Variants in JAKMIP1 observed in about 807,000 individuals in gnomAD.
JAKMIP1 encodes janus kinase and microtubule interacting protein 1, also known as janus kinase and microtubule-interacting protein 1.
Under a neutral mutation model 113.0 loss-of-function variants are expected in JAKMIP1, and 33 were observed. The observed-to-expected ratio is 0.29, with a 90% CI of 0.22 to 0.39. The LOEUF (loss-of-function observed/expected upper bound fraction) is 0.39, where lower values mean the gene tolerates loss of function less well. JAKMIP1 is among the 10% of genes least tolerant of loss of function. The probability of loss-of-function intolerance (pLI) is 1.00; values close to 1 mark genes in which losing one functional copy is unlikely to be tolerated. For synonymous variants in JAKMIP1, 480 were observed against 459.9 expected (o/e 1.04, Z -0.56); for missense variants, 813 against 1,080.5 (o/e 0.75, Z 3.47).
At chr4:6,111,429 C>T (rs1714914587) in intron 2 of JAKMIP1, among the ~76,000 whole-genome samples, 1 of 152,222 alleles carries the variant, frequency 6.6e-6, no homozygotes, top group Non-Finnish European at 1.5e-5. Context: ...ACCCTCAAGC[C>T]CACCCAAGTC....
At chr4:6,126,039 C>A (rs111215926) in intron 1 of JAKMIP1, among the ~76,000 whole-genome samples, 26,398 of 144,878 alleles carry the variant, frequency 0.18, 2,623 homozygotes, top group Middle Eastern at 0.3. Flanking sequence ...TGCAGAAACA[C>A]ACACACACAA....
rs946178862 is a variant in JAKMIP1 at position 6,142,885 on chromosome 4, C to T, written c.-147-29888G>A. Among the ~76,000 whole-genome samples the T allele has an allele frequency of 1.3e-5, 2 of 152,144 alleles. No homozygotes were observed. Among genetic ancestry groups the T allele is most frequent in the African/African-American group, 4.8e-5 (2 of 41,426 alleles). On this transcript the variant is annotated intron_variant, in intron 1 of 20. Coordinates refer to ENST00000409021, the MANE Select transcript of JAKMIP1 (RefSeq NM_001099433.2). The surrounding 1 kb of genome is among the most constrained non-coding windows in gnomAD (Gnocchi z 5.5). ...GATGGAAAGGTTTAAGGGACATGGCCGGCAATGACAAAGCCCAGCCTGGAG... is the reference window on the plus strand; with the variant it reads ...GATGGAAAGGTTTAAGGGACATGGCTGGCAATGACAAAGCCCAGCCTGGAG...
intron 10 of JAKMIP1, 49 bp from the exon 11 acceptor site, chr4:6,060,556 C>A (rs1717126674): frequency 7.2e-7 from 1 of 1,398,142 alleles, no homozygotes; most frequent in Non-Finnish European, 1.0e-6. Flanking sequence ...CAATGGGTGA[C>A]AGGGAAGCGG....
At chr4:6,057,847 G>A (rs1483322787) in intron 11 of JAKMIP1, among the ~76,000 whole-genome samples, 3 of 152,346 alleles carry the variant, frequency 2.0e-5, no homozygotes, top group South Asian at 4.1e-4. Flanking sequence ...TGGGCCTTGG[G>A]CTTGCCCCCA....
rs150879194 is a variant in JAKMIP1 at position 6,140,346 on chromosome 4, C to T, written c.-147-27349G>A. Among the ~76,000 whole-genome samples the T allele has an allele frequency of 1.4e-4, 21 of 151,752 alleles. No individual in the cohort carries two copies. In the East Asian group the frequency reaches 3.3e-3, roughly 24 times the overall value. ...TCATAATGCACACCTGATGATGGGCCGACCATAAATCCCCCCACGTGGCGA... is the reference window on the plus strand; with the variant it reads ...TCATAATGCACACCTGATGATGGGCTGACCATAAATCCCCCCACGTGGCGA... On this transcript the variant is annotated intron_variant, in intron 1 of 20. Transcript: ENST00000409021. This position sits in a 1 kb window ranked among gnomAD's most constrained non-coding sequence, Gnocchi z 9.4.
chr4:6,170,497 CCTT>C (rs1724397920), intron 1 of JAKMIP1, among the ~76,000 whole-genome samples: 1 of 149,788 alleles, frequency 6.7e-6, no homozygotes. Flanking sequence ...CCCCCAGCAC[CCTT>C]CTATCACCAC....
chr4:6,160,527 C>T (rs1722775330), intron 1 of JAKMIP1, among the ~76,000 whole-genome samples: 1 of 152,158 alleles, frequency 6.6e-6, no homozygotes, highest in Non-Finnish European at 1.5e-5. Flanking sequence ...GCTGCATGCC[C>T]TGCTCCCTGG....
At chr4:6,182,998 G>C (rs1726220669) in intron 1 of JAKMIP1, among the ~76,000 whole-genome samples, 1 of 152,188 alleles carries the variant, frequency 6.6e-6, no homozygotes, top group African/African-American at 2.4e-5. Context: ...CTCCCGCTCA[G>C]CTCAGCTCAG....
chr4:6,026,307 G>A, intron 20 of JAKMIP1, 29 bp from the exon 21 acceptor site: 3 of 1,073,640 alleles, frequency 2.8e-6, no homozygotes, highest in Non-Finnish European at 4.1e-6. Flanking sequence ...AGAAAATGAG[G>A]AAAAGAGAAG....
At chr4:6,172,920 A>C (rs1194043574) in intron 1 of JAKMIP1, among the ~76,000 whole-genome samples, 3 of 152,208 alleles carry the variant, frequency 2.0e-5, no homozygotes, top group African/African-American at 7.2e-5. Context: ...CAGTCAAAGG[A>C]GGAATCTCGT....
intron 1 of JAKMIP1, among the ~76,000 whole-genome samples, chr4:6,160,128 A>T (rs1195739741): frequency 1.3e-5 from 2 of 152,332 alleles, no homozygotes; most frequent in East Asian, 3.9e-4. Context: ...AGTAAAAAAG[A>T]ACTGAGGAAA....
At chr4:6,124,634 G>T (rs1239504804) in intron 1 of JAKMIP1, among the ~76,000 whole-genome samples, 2 of 152,230 alleles carry the variant, frequency 1.3e-5, no homozygotes, top group African/African-American at 4.8e-5. Context: ...CCCTGCTGAT[G>T]CCCTGTCGGG....
chr4:6,131,819 G>GA (rs1718552889), intron 1 of JAKMIP1, among the ~76,000 whole-genome samples: 1 of 152,024 alleles, frequency 6.6e-6, no homozygotes, highest in African/African-American at 2.4e-5. Context: ...ATGAGAAGAG[G>GA]AAAAAACTCA....
At chr4:6,114,894 A>G (rs1715510676) in intron 1 of JAKMIP1, among the ~76,000 whole-genome samples, 1 of 152,176 alleles carries the variant, frequency 6.6e-6, no homozygotes, top group Non-Finnish European at 1.5e-5. Flanking sequence ...ATACAACACC[A>G]AAAAAGGAAG....
At chr4:6,164,444 AG>A (rs1723350166) in intron 1 of JAKMIP1, among the ~76,000 whole-genome samples, 3 of 151,458 alleles carry the variant, frequency 2.0e-5, no homozygotes, top group African/African-American at 7.4e-5. Flanking sequence ...ATGGAGATGT[AG>A]AGGAGATTGA....
chr4:6,080,118 G>A lies in JAKMIP1; in HGVS notation c.1242+54C>T. ...CCCAACACCCGTTCCTGACACCCAT[G>A]TCAGCTGGTGCCACCCCTGCCAGGG... On this transcript the variant is annotated intron_variant, in intron 7 of 20. Coordinates refer to ENST00000409021, the MANE Select transcript of JAKMIP1 (RefSeq NM_001099433.2). The surrounding 1 kb of genome is among the most constrained non-coding windows in gnomAD (Gnocchi z 6.0). The A allele has an allele frequency of 6.6e-7, 1 of 1,524,994 alleles. No homozygotes were observed. The highest frequency in any genetic ancestry group is 1.4e-5 in the African/African-American group (1 of 72,964). The allele number at this position is 1,524,994 out of a possible 1,614,324, so 94.5% of individuals were successfully genotyped here.
Position 6,158,810 on chromosome 4 carries a change from C to T in JAKMIP1, c.-148+41443G>A, listed in dbSNP as rs1334066411. Among the ~76,000 whole-genome samples, 2 of 152,080 alleles carry T rather than the reference C, an allele frequency of 1.3e-5. No individual in the cohort carries two copies. The highest frequency in any genetic ancestry group is 1.5e-5 in the Non-Finnish European group (1 of 68,022). ...CAGGAATTTAAAACACATACTGGGC[C>T]GGGCGTGGTGACTCACACCTGTAAT... is the stretch of plus-strand genomic sequence containing the variant. On this transcript the variant is annotated intron_variant, in intron 1 of 20. Coordinates refer to ENST00000409021, the MANE Select transcript of JAKMIP1 (RefSeq NM_001099433.2). The surrounding 1 kb of genome is among the most constrained non-coding windows in gnomAD (Gnocchi z 5.3).
chr4:6,042,356 C>A lies in JAKMIP1; in HGVS notation c.2029-129G>T. On this transcript the variant is annotated intron_variant, in intron 16 of 20. Coordinates refer to ENST00000409021, the MANE Select transcript of JAKMIP1 (RefSeq NM_001099433.2). This position sits in a 1 kb window ranked among gnomAD's most constrained non-coding sequence, Gnocchi z 5.2. ...GAGTGTGCTCAGGAATGGGTCAGGT[C>A]ATGGCACACACATGCCTGATCTGTG... 1.4e-6 allele frequency: 1 copy of A among 725,328 alleles called. No individual in the cohort carries two copies. The highest frequency in any genetic ancestry group is 1.6e-5 in the South Asian group (1 of 62,966). The allele number at this position is 725,328 out of a possible 1,614,324, so 44.9% of individuals were successfully genotyped here. A position where few individuals can be genotyped will look rare whatever the true frequency, so the allele number is the denominator to read the frequency against.
rs542981288 is a variant in JAKMIP1 at position 6,089,224 on chromosome 4, G to A, written c.625-3595C>T. 1.2e-4 allele frequency among the ~76,000 whole-genome samples: 18 copies of A among 152,322 alleles called. No individual in the cohort carries two copies. The South Asian group carries it at 2.9e-3, about 25-fold the overall frequency. On this transcript the variant is annotated intron_variant, in intron 3 of 20. Coordinates refer to ENST00000409021, the MANE Select transcript of JAKMIP1 (RefSeq NM_001099433.2). The surrounding 1 kb of genome is among the most constrained non-coding windows in gnomAD (Gnocchi z 5.3). ...AGAACCTGGGATCCTGGATGACATC[G>A]TTAGTGCACCTGGAGCTGCACCTAC...
Sources: allele counts gnomAD v4.1 joint callset (sites outside exome capture counted in the v4.1 genomes callset), GRCh38; gene constraint gnomAD v4.1.1; non-coding constraint Gnocchi (gnomAD v3.1); transcripts MANE v1.5; gene names NCBI Gene and HGNC (gene_info 2026-07-23, HGNC 2026-07-21).